TFDP2: variants seen among roughly 807,000 people sequenced by gnomAD.
TFDP2 encodes the protein transcription factor Dp-2, also known as transcription factor Dp-2 (E2F dimerization partner 2).
In TFDP2, 17 loss-of-function variants were observed where a neutral mutation model predicts 59.3. The ratio of observed to expected loss-of-function variants is 0.29; its 90% CI spans 0.20 to 0.43. TFDP2 has a LOEUF of 0.43. Ranked by LOEUF, TFDP2 falls within the 20% of genes least tolerant of loss-of-function variation. The pLI is 1.00. For missense variants in TFDP2, 391 were observed against 528.8 expected, an observed-to-expected ratio of 0.74 and a Z score of 2.56; for synonymous variants, 180 against 194.7, an observed-to-expected ratio of 0.92 and a Z score of 0.63.
At chr3:142,096,751 TA>T (rs1162673070) in intron 2 of TFDP2, among the ~76,000 whole-genome samples, 1 of 152,196 alleles carries the variant, frequency 6.6e-6, no homozygotes, top group Non-Finnish European at 1.5e-5. Context: ...GACATAACAT[TA>T]CTGAAATGTT....
At chr3:141,998,577 A>G (rs1333534407) in intron 4 of TFDP2, among the ~76,000 whole-genome samples, 3 of 152,176 alleles carry the variant, frequency 2.0e-5, no homozygotes, top group Admixed American at 1.3e-4. Flanking sequence ...AGATCGTGCC[A>G]CTACACTCTC....
intron 6 of TFDP2, among the ~76,000 whole-genome samples, chr3:141,986,523 A>G (rs1385537474): frequency 6.6e-6 from 1 of 152,188 alleles, no homozygotes; most frequent in East Asian, 1.9e-4. Flanking sequence ...CATTCATTTC[A>G]TTGTATGAAT....
At chr3:142,014,305 G>C (rs1024440860) in intron 3 of TFDP2, among the ~76,000 whole-genome samples, 3 of 150,672 alleles carry the variant, frequency 2.0e-5, no homozygotes, top group Middle Eastern at 3.4e-3. Context: ...ACCATGCCCA[G>C]GTATTTTTTT....
intron 1 of TFDP2, among the ~76,000 whole-genome samples, chr3:142,106,992 T>C (rs138471530): frequency 6.6e-6 from 1 of 152,302 alleles, no homozygotes; most frequent in East Asian, 1.9e-4. Flanking sequence ...AAGCTGCTAC[T>C]AAAAATTAAT....
intron 1 of TFDP2, among the ~76,000 whole-genome samples, chr3:142,103,726 A>G (rs773800694): frequency 4.6e-5 from 7 of 152,184 alleles, no homozygotes; most frequent in African/African-American, 7.2e-5. Context: ...AATTATCTCA[A>G]AATTAAACTT....
chr3:142,112,191 A>T lies in TFDP2; in HGVS notation c.-92-10350T>A, dbSNP rs185881193. On this transcript the variant is annotated intron_variant, in intron 1 of 12. Coordinates refer to ENST00000489671, the MANE Select transcript of TFDP2 (RefSeq NM_001178139.2). ...TTAAGTAAAAATTATTTGCATTCTA[A>T]TTCTTTAAAAACCAGTAATATTAGC... 9.0e-4 allele frequency among the ~76,000 whole-genome samples: 137 copies of T among 152,350 alleles called. 1 individual carries two copies. Among genetic ancestry groups the T allele is most frequent in the African/African-American group, 3.2e-3 (133 of 41,586 alleles).
intron 6 of TFDP2, among the ~76,000 whole-genome samples, chr3:141,987,163 C>T (rs935225246): frequency 2.0e-5 from 3 of 152,146 alleles, no homozygotes; most frequent in Non-Finnish European, 4.4e-5. Flanking sequence ...ATTTCCACTA[C>T]AATACTGAAT....
chr3:142,071,992 G>A (rs2060264364), intron 3 of TFDP2, among the ~76,000 whole-genome samples: 1 of 152,138 alleles, frequency 6.6e-6, no homozygotes, highest in African/African-American at 2.4e-5. Flanking sequence ...GACAACTAAA[G>A]CTATAAGAAT....
intron 3 of TFDP2, among the ~76,000 whole-genome samples, chr3:142,081,150 T>C (rs1483301319): frequency 1.3e-5 from 2 of 152,096 alleles, no homozygotes; most frequent in South Asian, 2.1e-4. Flanking sequence ...CTGACCACAA[T>C]GGAATAAAAC....
chr3:142,024,117 T>G (rs939107545), intron 3 of TFDP2, among the ~76,000 whole-genome samples: 7 of 152,326 alleles, frequency 4.6e-5, no homozygotes, highest in Admixed American at 4.6e-4. Context: ...TTGAGAACTT[T>G]TATAAATAAG....
intron 6 of TFDP2, among the ~76,000 whole-genome samples, chr3:141,988,029 C>CT (rs142289034): frequency 0.074 from 11,246 of 152,064 alleles, 521 homozygotes; most frequent in Non-Finnish European, 0.11. Flanking sequence ...TCATTGCAGC[C>CT]TTGACCTCCT....
chr3:142,046,414 G>A (rs1465493591), intron 3 of TFDP2, among the ~76,000 whole-genome samples: 1 of 152,072 alleles, frequency 6.6e-6, no homozygotes, highest in Non-Finnish European at 1.5e-5. Flanking sequence ...TCTTCTCTTT[G>A]CCCCTTCTCA....
rs1396939900 is a variant in TFDP2, at chr3:141,969,065, CAT to C, written c.732+1006_732+1007del. Among the ~76,000 whole-genome samples the C allele has an allele frequency of 1.5e-4, 10 of 67,508 alleles. 1 individual carries two copies. Among genetic ancestry groups the C allele is most frequent in the Admixed American group, 1.0e-3 (5 of 4,962 alleles). The allele number at this position is 67,508 out of a possible 152,430, so 44.3% of individuals were successfully genotyped here. A position where few individuals can be genotyped will look rare whatever the true frequency, so the allele number is the denominator to read the frequency against. On this transcript the variant is annotated intron_variant, in intron 9 of 12. Transcript: ENST00000489671. ...AGATATATATATAACATATATATCT[CAT>C]ATATATGAGATATATATATATAACA... is the stretch of plus-strand genomic sequence containing the variant.
At chr3:142,069,630 G>T (rs2060178427) in intron 3 of TFDP2, among the ~76,000 whole-genome samples, 1 of 150,942 alleles carries the variant, frequency 6.6e-6, no homozygotes, top group Admixed American at 6.6e-5. Flanking sequence ...TTTTGAGACG[G>T]AGTTTCGCTC....
intron 3 of TFDP2, among the ~76,000 whole-genome samples, chr3:142,044,511 G>A (rs961092050): frequency 3.3e-5 from 5 of 151,968 alleles, no homozygotes; most frequent in Admixed American, 6.6e-5. Flanking sequence ...TGGGATTACA[G>A]GTGTGAGCTG....
At chr3:142,032,100 C>CT (rs1215703721) in intron 3 of TFDP2, among the ~76,000 whole-genome samples, 45 of 141,710 alleles carry the variant, frequency 3.2e-4, no homozygotes, top group East Asian at 8.1e-4. Flanking sequence ...CTCTCTCTCT[C>CT]TTTTTTTTTT....
intron 6 of TFDP2, among the ~76,000 whole-genome samples, chr3:141,981,516 A>G (rs1174425118): frequency 6.6e-6 from 1 of 152,192 alleles, no homozygotes; most frequent in Non-Finnish European, 1.5e-5. Context: ...TGAGAAAAGG[A>G]TATCTACTCT....
chr3:142,067,482 T>C (rs890502736), intron 3 of TFDP2, among the ~76,000 whole-genome samples: 1 of 151,896 alleles, frequency 6.6e-6, no homozygotes, highest in Non-Finnish European at 1.5e-5. Context: ...GAAGACCTAA[T>C]TAATGTAGAG....
intron 3 of TFDP2, chr3:142,044,226 GTTTTTTTTTTTT>G (rs142598439): frequency 3.4e-5 from 4 of 118,302 alleles, no homozygotes; most frequent in East Asian, 2.7e-4. Context: ...CAGCAAAAGG[GTTTTTTTTTTTT>G]TTTTTTTTTT....
Sources: gnomAD v4.1 joint callset for allele counts (sites outside exome capture counted in the v4.1 genomes callset) on GRCh38, gnomAD v4.1.1 for gene constraint, MANE v1.5 for transcripts, NCBI Gene and HGNC (gene_info 2026-07-23, HGNC 2026-07-21) for gene names.